The following VIT variants were observed in gnomAD, a reference collection of about 807,000 sequenced individuals.
The protein encoded by VIT is vitrin.
A neutral mutation model predicts 78.0 loss-of-function variants in VIT; 99 were observed. The observed-to-expected ratio is 1.27, with a 90% confidence interval of 1.08 to 1.50. The LOEUF (loss-of-function observed/expected upper bound fraction) is 1.50. Among genes scored for constraint, VIT ranks in the 40% most tolerant of loss-of-function variants. The pLI is 0.00. For missense variants in VIT, 1,126 were observed against 875.3 expected, an observed-to-expected ratio of 1.29 and a Z score of -3.61; for synonymous variants, 374 against 334.3, an observed-to-expected ratio of 1.12 and a Z score of -1.29.
At position 36,814,234 on chromosome 2, in the gene VIT, A is replaced by G; in HGVS notation, c.1955A>G (p.Glu652Gly). Residue 652 changes from glutamate (E) to glycine (G), a missense_variant, in exon 16 of 16, where the codon GAA becomes GGA. Glu to Gly is a moderately conservative substitution (Grantham distance 98). Transcript: ENST00000379242. ...GCCTGGGCTGCCCAAGAGGAGCTAG[A>G]AGTCATTGCCACTCACCCCGCCAGA... The part of the protein sequence containing the change: ...GVAWAAQEEL[E>G]VIATHPARDH... 6.2e-7 allele frequency: 1 copy of G among 1,614,228 alleles called. No homozygotes were observed. The highest frequency in any genetic ancestry group is 8.5e-7 in the Non-Finnish European group (1 of 1,180,032).
intron 9 of VIT, among the ~76,000 whole-genome samples, chr2:36,780,037 G>A (rs1388872757): frequency 6.6e-6 from 1 of 152,264 alleles, no homozygotes; most frequent in African/African-American, 2.4e-5. Flanking sequence ...CCTCCTTGAC[G>A]CCAGAATACA....
intron 7 of VIT, among the ~76,000 whole-genome samples, 171 bp from the exon 8 acceptor site, chr2:36,773,620 A>G (rs957573787): frequency 6.6e-6 from 1 of 152,008 alleles, no homozygotes; most frequent in Admixed American, 6.6e-5. Flanking sequence ...AATCCCAGCT[A>G]CTCGGGAGGC....
chr2:36,812,086 G>A (rs1667213719), intron 15 of VIT, among the ~76,000 whole-genome samples: 1 of 152,218 alleles, frequency 6.6e-6, no homozygotes, highest in South Asian at 2.1e-4. Context: ...CAGCAAAGCT[G>A]CTCTCACTGA....
intron 11 of VIT, among the ~76,000 whole-genome samples, chr2:36,786,589 T>C (rs1403139414): frequency 6.6e-6 from 1 of 152,218 alleles, no homozygotes; most frequent in African/African-American, 2.4e-5. Context: ...TATACATATA[T>C]GTAGATAATT....
intron 1 of VIT, 47 bp downstream of exon 1, chr2:36,697,020 C>T (rs1270964095): frequency 6.6e-6 from 1 of 152,132 alleles, no homozygotes; most frequent in Non-Finnish European, 1.5e-5. Context: ...ACTTTCCATT[C>T]ATTATCATTG....
chr2:36,734,749 C>G (rs755902621), intron 3 of VIT, among the ~76,000 whole-genome samples: 1 of 152,130 alleles, frequency 6.6e-6, no homozygotes, highest in South Asian at 2.1e-4. Flanking sequence ...TCTTTGTCTT[C>G]TCACCCCTTT....
At chr2:36,804,495 G>T (rs988266414) in intron 13 of VIT, among the ~76,000 whole-genome samples, 3 of 152,194 alleles carry the variant, frequency 2.0e-5, no homozygotes, top group Non-Finnish European at 4.4e-5. Context: ...GCTGGCTTAG[G>T]GGCTTAGTGT....
At chr2:36,724,024 T>C (rs1416161734) in intron 2 of VIT, among the ~76,000 whole-genome samples, 1 of 151,576 alleles carries the variant, frequency 6.6e-6, no homozygotes, top group East Asian at 1.9e-4. Flanking sequence ...CACTGGAATT[T>C]TTTTTTTTTT....
intron 2 of VIT, among the ~76,000 whole-genome samples, chr2:36,728,431 G>C (rs973633484): frequency 2.0e-5 from 3 of 152,034 alleles, no homozygotes; most frequent in African/African-American, 7.2e-5. Context: ...TTTAAGCTAA[G>C]CGTTATTACA....
chr2:36,790,258 C>T (rs948169505), intron 12 of VIT, among the ~76,000 whole-genome samples: 1 of 152,138 alleles, frequency 6.6e-6, no homozygotes, highest in Non-Finnish European at 1.5e-5. Flanking sequence ...GGAAAGTGTT[C>T]ACAGGACTGA....
At chr2:36,737,070 T>C (rs1008132707) in intron 3 of VIT, among the ~76,000 whole-genome samples, 1 of 152,138 alleles carries the variant, frequency 6.6e-6, no homozygotes, top group Non-Finnish European at 1.5e-5. Context: ...TAAAGCAAAA[T>C]GTGGTAAATT....
At chr2:36,741,125 T>C (rs1667809750) in intron 3 of VIT, among the ~76,000 whole-genome samples, 1 of 152,182 alleles carries the variant, frequency 6.6e-6, no homozygotes, top group African/African-American at 2.4e-5. Flanking sequence ...GAGGAAGTGA[T>C]CTGGGGAAAA....
At chr2:36,761,278 C>T (rs1248032387) in intron 6 of VIT, among the ~76,000 whole-genome samples, 3 of 152,172 alleles carry the variant, frequency 2.0e-5, no homozygotes, top group Non-Finnish European at 2.9e-5. Flanking sequence ...AAAATATCTT[C>T]TGACTGTGAA....
At chr2:36,777,055 C>G (rs539430240) in intron 9 of VIT, among the ~76,000 whole-genome samples, 15 of 141,364 alleles carry the variant, frequency 1.1e-4, no homozygotes, top group African/African-American at 3.2e-4. Flanking sequence ...CGCCACTGCA[C>G]TCCAGCCTGG....
rs6710973 is a variant in VIT, at chr2:36,796,648, G to C, written c.1059-4653G>C. On this transcript the variant is annotated intron_variant, in intron 12 of 15. Transcript: ENST00000379242. The stretch of plus-strand genomic sequence containing the variant: ...AAACTTTTTTTTTTAGTTTTTTGTT[G>C]TTGTTGTTTGTTTGTGTTTGTTTGC... Among the ~76,000 whole-genome samples the C allele has an allele frequency of 3.4e-3, 514 of 150,478 alleles. 3 individuals are homozygous for C. The highest frequency in any genetic ancestry group is 0.012 in the African/African-American group (484 of 40,986).
At chr2:36,810,017 C>T (rs1667038619) in intron 15 of VIT, among the ~76,000 whole-genome samples, 1 of 134,606 alleles carries the variant, frequency 7.4e-6, no homozygotes, top group African/African-American at 3.1e-5. Context: ...AAGGGCCAGG[C>T]ACAATGGCCC....
chr2:36,803,013 T>C (rs1666442613), intron 13 of VIT, among the ~76,000 whole-genome samples: 1 of 152,222 alleles, frequency 6.6e-6, no homozygotes, highest in South Asian at 2.1e-4. Context: ...AATTTTGCCA[T>C]GGCAACCTCT....
At chr2:36,739,400 G>C (rs1667698011) in intron 3 of VIT, among the ~76,000 whole-genome samples, 1 of 152,118 alleles carries the variant, frequency 6.6e-6, no homozygotes, top group Non-Finnish European at 1.5e-5. Flanking sequence ...AGCCTAGGCA[G>C]GAGACCCAAC....
chr2:36,784,225 C>T lies in VIT; in HGVS notation c.910+823C>T, dbSNP rs183045224. Reference sequence around the variant, plus strand: ...TATGGAAAGAAAGCACCTGCATATTCCGCTAGAAAGTCACTACTAGTCAGC... The same window carrying T: ...TATGGAAAGAAAGCACCTGCATATTTCGCTAGAAAGTCACTACTAGTCAGC... On this transcript the variant is annotated intron_variant, in intron 11 of 15. Transcript: ENST00000379242. 4.4e-4 allele frequency among the ~76,000 whole-genome samples: 67 copies of T among 152,334 alleles called. 1 individual carries two copies. The highest frequency in any genetic ancestry group is 7.5e-4 in the Non-Finnish European group (51 of 68,018).
Sources: gnomAD v4.1 joint callset for allele counts (sites outside exome capture counted in the v4.1 genomes callset) on GRCh38, gnomAD v4.1.1 for gene constraint, MANE v1.5 for transcripts, NCBI Gene and HGNC (gene_info 2026-07-23, HGNC 2026-07-21) for gene names.